The following SLC22A25 variants were observed in gnomAD, a reference collection of about 807,000 sequenced individuals.
SLC22A25 encodes the protein solute carrier family 22 member 25, also known as MGI:2442751, MGI:2385316, MGI:3042283, MGI:3645714, MGI:3605624, MGI:2442750.
A neutral mutation model predicts 45.9 loss-of-function variants in SLC22A25; 44 were observed. The observed-to-expected ratio is 0.96, with a 90% CI of 0.75 to 1.23. SLC22A25 has a LOEUF of 1.23. Among genes scored for constraint, SLC22A25 ranks in the 50% most tolerant of loss-of-function variants. The pLI, the probability that SLC22A25 is intolerant of heterozygous loss-of-function variation, is 0.00. For missense variants in SLC22A25, 800 were observed against 666.4 expected (o/e 1.20, Z -2.21); for synonymous variants, 283 against 238.6 (o/e 1.19, Z -1.72).
chr11:63,220,745 C>T (rs1337399110), intron 5 of SLC22A25, among the ~76,000 whole-genome samples: 2 of 152,040 alleles, frequency 1.3e-5, no homozygotes, highest in African/African-American at 2.4e-5. Context: ...TACCCATTAA[C>T]CATGCCCACT....
chr11:63,174,911 A>G (rs1438309867), intron 9 of SLC22A25, among the ~76,000 whole-genome samples: 1 of 152,074 alleles, frequency 6.6e-6, no homozygotes, highest in African/African-American at 2.4e-5. Flanking sequence ...GTCCTGGCAT[A>G]TTTAACTTAG....
intron 3 of SLC22A25, among the ~76,000 whole-genome samples, chr11:63,232,283 T>C (rs2090083602): frequency 6.6e-6 from 1 of 152,214 alleles, no homozygotes; most frequent in South Asian, 2.1e-4. Context: ...TGTTCTTCCA[T>C]TTGTTTGTAT....
Position 63,229,290 on chromosome 11 carries a change from T to C in SLC22A25, c.363A>G (p.Val121=). The change falls in exon 4 of 12, where the codon GTA becomes GTG. Residue 121 remains valine, a synonymous_variant. Coordinates refer to ENST00000306494, the MANE Select transcript of SLC22A25 (RefSeq NM_199352.6). ...PDTEPCVDGW[V]YDQSSFPSTI... is the part of the protein sequence containing the mutation. ...TGGAAGGGAAGGAGCTTTGGTCATATACCCAGCCATCCACACAGGGCTCTG... is the reference window on the plus strand; with the variant it reads ...TGGAAGGGAAGGAGCTTTGGTCATACACCCAGCCATCCACACAGGGCTCTG... The C allele has an allele frequency of 1.3e-6, 2 of 1,581,702 alleles. No homozygotes were observed. Among genetic ancestry groups the C allele is most frequent in the Non-Finnish European group, 8.6e-7 (1 of 1,162,232 alleles).
chr11:63,183,657 T>G (rs762240121), intron 8 of SLC22A25, 37 bp downstream of exon 8: 1 of 1,611,238 alleles, frequency 6.2e-7, no homozygotes, highest in South Asian at 1.1e-5. Flanking sequence ...AATTTATGTC[T>G]TCCCAGCATC....
At chr11:63,199,652 C>T (rs996578066) in intron 7 of SLC22A25, among the ~76,000 whole-genome samples, 6 of 152,020 alleles carry the variant, frequency 3.9e-5, no homozygotes, top group Non-Finnish European at 5.9e-5. Flanking sequence ...GTGTTCTTAT[C>T]AGCCTGCCCA....
In SLC22A25 at chr11:63,177,855, TATATATATA is replaced by T. The variant is rs1286368749; in HGVS notation, c.1070+2796_1070+2804del. The stretch of plus-strand genomic sequence containing the variant: ...ATATAATGTGTATATATATATAATG[TATATATATA>T]ATATATATAATGTATATATATAATA... On this transcript the variant is annotated intron_variant, in intron 9 of 11. Transcript: ENST00000306494. Among the ~76,000 whole-genome samples, 12 of 3,324 alleles carry T rather than the reference TATATATATA, an allele frequency of 3.6e-3. 1 individual carries two copies. The highest frequency in any genetic ancestry group is 0.025 in the South Asian group (2 of 80). The allele number at this position is 3,324 out of a possible 152,430, so 2.2% of individuals were successfully genotyped here.
intron 9 of SLC22A25, among the ~76,000 whole-genome samples, chr11:63,168,981 C>A (rs2087782181): frequency 6.6e-6 from 1 of 152,052 alleles, no homozygotes; most frequent in South Asian, 2.1e-4. Flanking sequence ...CTGCAAAAAC[C>A]CTACAATCCA....
At chr11:63,168,906 G>A (rs570962403) in intron 9 of SLC22A25, among the ~76,000 whole-genome samples, 1 of 152,084 alleles carries the variant, frequency 6.6e-6, no homozygotes, top group East Asian at 1.9e-4. Flanking sequence ...AAATGTTAAG[G>A]GCAGCCACAG....
At chr11:63,190,830 T>C (rs2088780495) in intron 7 of SLC22A25, among the ~76,000 whole-genome samples, 1 of 152,208 alleles carries the variant, frequency 6.6e-6, no homozygotes, top group Non-Finnish European at 1.5e-5. Context: ...CCTGTTTGTC[T>C]GGGTATCAGC....
At chr11:63,165,365 A>G (rs1260723902) in intron 10 of SLC22A25, among the ~76,000 whole-genome samples, 2 of 152,188 alleles carry the variant, frequency 1.3e-5, no homozygotes, top group African/African-American at 2.4e-5. Context: ...TCTTAAGTAC[A>G]TTACTAGACC....
chr11:63,210,940 T>C (rs1477693233), intron 7 of SLC22A25, among the ~76,000 whole-genome samples: 1 of 152,160 alleles, frequency 6.6e-6, no homozygotes, highest in African/African-American at 2.4e-5. Flanking sequence ...ATTTCCTTTA[T>C]ACCTAAAGGG....
intron 7 of SLC22A25, among the ~76,000 whole-genome samples, chr11:63,184,879 C>T (rs2088463794): frequency 6.6e-6 from 1 of 152,098 alleles, no homozygotes; most frequent in African/African-American, 2.4e-5. Context: ...TATGTCCTGT[C>T]TTATGGGTTA....
intron 9 of SLC22A25, among the ~76,000 whole-genome samples, chr11:63,175,825 G>GTATATATATATATATA (rs5792280): frequency 3.3e-4 from 49 of 150,332 alleles, no homozygotes; most frequent in African/African-American, 1.2e-3. Context: ...AATTGGGTGT[G>GTATATATATATATATA]TATATATATA....
intron 7 of SLC22A25, among the ~76,000 whole-genome samples, chr11:63,190,793 G>A (rs2088779170): frequency 6.6e-6 from 1 of 152,188 alleles, no homozygotes; most frequent in African/African-American, 2.4e-5. Context: ...CAGGTCTGTT[G>A]GAGTTTGCTG....
intron 7 of SLC22A25, among the ~76,000 whole-genome samples, chr11:63,211,306 G>T (rs2089553404): frequency 6.6e-6 from 1 of 152,148 alleles, no homozygotes; most frequent in African/African-American, 2.4e-5. Flanking sequence ...ATACTCCTCT[G>T]CTGCCCATGA....
At position 63,194,331 on chromosome 11, in the gene SLC22A25, T is replaced by G. The variant is rs373931232; in HGVS notation, c.831-10514A>C. ...ACAGAGAACGCCACAAAGATACTCC[T>G]CAAGAAGAGCAACCCCAAGACACAT... On this transcript the variant is annotated intron_variant, in intron 7 of 11. Coordinates refer to ENST00000306494, the MANE Select transcript of SLC22A25 (RefSeq NM_199352.6). 1.4e-4 allele frequency among the ~76,000 whole-genome samples: 22 copies of G among 152,158 alleles called. 1 individual carries two copies. The highest frequency in any genetic ancestry group is 5.9e-4 in the Admixed American group (9 of 15,276).
At chr11:63,235,851 T>C (rs1483529377) in intron 3 of SLC22A25, among the ~76,000 whole-genome samples, 1 of 152,208 alleles carries the variant, frequency 6.6e-6, no homozygotes, top group Admixed American at 6.5e-5. Context: ...TTGTTAGTTT[T>C]CCTTCTAACA....
chr11:63,217,442 C>G lies in SLC22A25; in HGVS notation c.702G>C (p.Leu234Phe), dbSNP rs1323482964. 1.2e-6 allele frequency: 2 copies of G among 1,613,932 alleles called. No homozygotes were observed. The highest frequency in any genetic ancestry group is 2.7e-5 in the African/African-American group (2 of 74,936). ...TACTAGCAGCACAAAGTGTCAATGT[C>G]AATGCCATGGCACAGAATTGGTGAG... ...WITHQFCAMA[L>F]TLTLCAASIG... Residue 234 changes from leucine to phenylalanine, a missense_variant, in exon 7 of 12, where the codon TTG (leucine) becomes TTC (phenylalanine). Transcript: ENST00000306494.
Position 63,238,913 on chromosome 11 carries a change from G to C in SLC22A25, c.-773C>G. On this transcript the variant is annotated 5_prime_UTR_variant, in exon 2 of 12. Transcript: ENST00000306494. ...ATAGAGATTCTCAGGAGGGCATCTT[G>C]GCTGAGGATCACAGTTTCTTCGTCC... 4.6e-6 allele frequency: 1 copy of C among 218,036 alleles called. No individual in the cohort carries two copies. 13.5% of individuals were successfully genotyped at this position (218,036 alleles called of 1,614,324 possible).
Sources: gnomAD v4.1 joint callset for allele counts (sites outside exome capture counted in the v4.1 genomes callset) on GRCh38, gnomAD v4.1.1 for gene constraint, MANE v1.5 for transcripts, NCBI Gene and HGNC (gene_info 2026-07-23, HGNC 2026-07-21) for gene names.